The following FGGY variants were observed in gnomAD, a reference collection of about 807,000 sequenced individuals.
The protein encoded by FGGY is FGGY carbohydrate kinase domain containing.
FGGY carries 72 observed loss-of-function variants against 71.3 expected under a neutral mutation model. The observed-to-expected ratio is 1.01, with a 90% CI of 0.84 to 1.23. FGGY has a LOEUF of 1.23. Ranked by LOEUF, FGGY falls within the 50% of genes most tolerant of loss-of-function variation. The pLI is 0.00. For synonymous variants in FGGY, 251 were observed against 250.3 expected, an observed-to-expected ratio of 1.00 and a Z score of -0.02; for missense variants, 668 against 682.3, an observed-to-expected ratio of 0.98 and a Z score of 0.23.
chr1:59,608,937 C>T (rs865828070), intron 9 of FGGY, among the ~76,000 whole-genome samples: 48 of 152,176 alleles, frequency 3.2e-4, no homozygotes, highest in African/African-American at 1.1e-3. Flanking sequence ...ATTATTAAGG[C>T]TGTCCAATAG....
intron 7 of FGGY, among the ~76,000 whole-genome samples, chr1:59,553,447 A>G (rs560218621): frequency 2.0e-5 from 3 of 152,338 alleles, no homozygotes; most frequent in African/African-American, 7.2e-5. Context: ...TACGAGCTCT[A>G]TGGGGAAGAA....
At chr1:59,653,026 T>G (rs554042629) in intron 11 of FGGY, among the ~76,000 whole-genome samples, 4 of 152,316 alleles carry the variant, frequency 2.6e-5, no homozygotes, top group Non-Finnish European at 5.9e-5. Context: ...GAGGTGTCAG[T>G]GTGCTCCTGC....
chr1:59,726,767 A>T (rs2097952931), intron 14 of FGGY, among the ~76,000 whole-genome samples: 1 of 152,054 alleles, frequency 6.6e-6, no homozygotes, highest in South Asian at 2.1e-4. Context: ...AAGGTTTGTC[A>T]GTTTTATTGC....
rs1316942471 is a variant in FGGY at position 59,583,405 on chromosome 1, C to T, written c.904-24398C>T. Among the ~76,000 whole-genome samples, 2 of 143,484 alleles carry T rather than the reference C, an allele frequency of 1.4e-5. 1 individual carries two copies. The highest frequency in any genetic ancestry group is 5.1e-4 in the South Asian group (2 of 3,894). 94.1% of individuals were successfully genotyped at this position (143,484 alleles called of 152,430 possible). ...AATAAAGGTCTTATTTTTACATTGA[C>T]ACTTTCAATCTAGGTAAACTTGAAT... On this transcript the variant is annotated intron_variant, in intron 8 of 15. Coordinates refer to ENST00000303721, the MANE Select transcript of FGGY (RefSeq NM_018291.5).
chr1:59,595,007 G>A (rs940226810), intron 8 of FGGY, among the ~76,000 whole-genome samples: 5 of 152,186 alleles, frequency 3.3e-5, no homozygotes, highest in African/African-American at 1.2e-4. Flanking sequence ...AAGGGGAAGG[G>A]CTGGTTCCAC....
At chr1:59,388,199 C>T (rs928425860) in intron 5 of FGGY, among the ~76,000 whole-genome samples, 2 of 152,138 alleles carry the variant, frequency 1.3e-5, no homozygotes, top group African/African-American at 4.8e-5. Context: ...AGTCTAGCAG[C>T]TTAGCAATAT....
chr1:59,504,531 G>C (rs1016712888), intron 6 of FGGY, among the ~76,000 whole-genome samples: 3 of 152,186 alleles, frequency 2.0e-5, no homozygotes, highest in Non-Finnish European at 2.9e-5. Context: ...ACAGAATTAA[G>C]TGCTTGCTTG....
intron 1 of FGGY, among the ~76,000 whole-genome samples, chr1:59,298,519 C>T (rs1432040397): frequency 6.6e-6 from 1 of 152,120 alleles, no homozygotes; most frequent in African/African-American, 2.4e-5. Flanking sequence ...GCTGGGCCTT[C>T]CAGGCTGTGT....
chr1:59,493,787 T>C (rs2153593101), intron 6 of FGGY, among the ~76,000 whole-genome samples: 1 of 152,322 alleles, frequency 6.6e-6, no homozygotes, highest in African/African-American at 2.4e-5. Flanking sequence ...GTTAAGATAG[T>C]AAATGTTATC....
intron 8 of FGGY, among the ~76,000 whole-genome samples, chr1:59,590,061 A>T (rs752152105): frequency 2.0e-5 from 3 of 152,192 alleles, no homozygotes; most frequent in Non-Finnish European, 2.9e-5. Context: ...AAAGAAGAAA[A>T]GAGAGAAGAA....
intron 14 of FGGY, among the ~76,000 whole-genome samples, chr1:59,720,278 T>G (rs1014990520): frequency 6.6e-6 from 1 of 152,208 alleles, no homozygotes; most frequent in African/African-American, 2.4e-5. Context: ...ATGATCTTGC[T>G]TTCGGATTCA....
intron 7 of FGGY, among the ~76,000 whole-genome samples, chr1:59,531,786 G>A (rs530751057): frequency 1.4e-4 from 22 of 152,254 alleles, no homozygotes; most frequent in African/African-American, 4.8e-4. Context: ...TTGGGACCCC[G>A]AAAGTCAGTG....
chr1:59,567,767 T>A (rs1380183237), intron 8 of FGGY, among the ~76,000 whole-genome samples: 2 of 151,738 alleles, frequency 1.3e-5, no homozygotes, highest in Non-Finnish European at 2.9e-5. Context: ...GACCTGTTTA[T>A]TCCCACAGAC....
intron 14 of FGGY, among the ~76,000 whole-genome samples, chr1:59,676,379 G>C (rs1489812940): frequency 6.6e-6 from 1 of 151,328 alleles, no homozygotes; most frequent in African/African-American, 2.4e-5. Flanking sequence ...ATATTTTCTG[G>C]CTTCTTAAGT....
At chr1:59,312,864 A>T (rs1223865059) in intron 1 of FGGY, among the ~76,000 whole-genome samples, 1 of 152,226 alleles carries the variant, frequency 6.6e-6, no homozygotes, top group Non-Finnish European at 1.5e-5. Flanking sequence ...TGTGAGGCAC[A>T]CATGGGGATT....
intron 2 of FGGY, among the ~76,000 whole-genome samples, chr1:59,323,650 G>A (rs556102975): frequency 2.6e-5 from 4 of 152,152 alleles, no homozygotes; most frequent in South Asian, 2.1e-4. Context: ...CACTTACAAC[G>A]TTTATTAGGT....
At chr1:59,586,401 G>A (rs1207084656) in intron 8 of FGGY, among the ~76,000 whole-genome samples, 14 of 152,126 alleles carry the variant, frequency 9.2e-5, no homozygotes, top group South Asian at 2.1e-4. Context: ...GTAAGCTATC[G>A]CAAGGACAAA....
At chr1:59,438,881 C>G (rs1248719289) in intron 5 of FGGY, among the ~76,000 whole-genome samples, 1 of 152,104 alleles carries the variant, frequency 6.6e-6, no homozygotes, top group African/African-American at 2.4e-5. Flanking sequence ...CCTCAGTACC[C>G]CTAGCTTTGT....
chr1:59,713,668 C>G (rs887791590), intron 14 of FGGY, among the ~76,000 whole-genome samples: 9 of 152,108 alleles, frequency 5.9e-5, no homozygotes, highest in Admixed American at 2.0e-4. Context: ...CTTATATAAT[C>G]AAATAAAAAG....
Sources: gnomAD v4.1 joint callset for allele counts (sites outside exome capture counted in the v4.1 genomes callset) on GRCh38, gnomAD v4.1.1 for gene constraint, MANE v1.5 for transcripts, NCBI Gene and HGNC (gene_info 2026-07-23, HGNC 2026-07-21) for gene names.